Variants in ATP1A3 observed in about 807,000 individuals in gnomAD.
ATP1A3 encodes the protein ATPase Na+/K+ transporting subunit alpha 3.
ATP1A3 carries 12 observed loss-of-function variants against 108.8 expected under a neutral mutation model. The observed-to-expected ratio is 0.11, with a 90% CI of 0.07 to 0.18. ATP1A3 has a LOEUF of 0.18. ATP1A3 is among the 10% of genes least tolerant of loss of function. ATP1A3 has a pLI of 1.00. For missense variants in ATP1A3, 498 were observed against 1,387.7 expected (o/e 0.36, Z 10.19); for synonymous variants, 539 against 564.5 (o/e 0.95, Z 0.64).
At chr19:41,977,015 C>T (rs2075178434) in intron 14 of ATP1A3, among the ~76,000 whole-genome samples, 1 of 151,444 alleles carries the variant, frequency 6.6e-6, no homozygotes, top group Non-Finnish European at 1.5e-5. Flanking sequence ...GCCATGTTGG[C>T]CAGGCTGCTC....
chr19:41,976,485 G>A lies in ATP1A3; in HGVS notation c.2025C>T (p.His675=), dbSNP rs1394039204. 7.4e-6 allele frequency: 12 copies of A among 1,614,096 alleles called. 1 individual carries two copies. Among genetic ancestry groups the A allele is most frequent in the Middle Eastern group, 3.3e-4 (2 of 6,084 alleles). ...SEQIDEILQN[H]TEIVFARTSP... ...ATGTGCGGGCGAAGACGATCTCGGTGTGATTCTGCAGGATCTCGTCGATTT... is the reference window on the plus strand; with the variant it reads ...ATGTGCGGGCGAAGACGATCTCGGTATGATTCTGCAGGATCTCGTCGATTT... Residue 675 remains histidine (H), a synonymous_variant, in exon 15 of 23, where the codon CAC becomes CAT. Transcript: ENST00000648268.
In ATP1A3 at chr19:41,976,568, T is replaced by C; in HGVS notation, c.1944-2A>G. Reference sequence around the variant, plus strand: ...TGGATCACGCAGGCCTTGGCATCCCTGGGAAGAGCAGAGAGAGCGATGGCT... The same window carrying C: ...TGGATCACGCAGGCCTTGGCATCCCCGGGAAGAGCAGAGAGAGCGATGGCT... On this transcript the variant is annotated splice_acceptor_variant, in intron 14 of 22. Coordinates refer to ENST00000648268, the MANE Select transcript of ATP1A3 (RefSeq NM_152296.5). LOFTEE classifies it high-confidence loss of function. 1 of 1,613,784 alleles carries C rather than the reference T, an allele frequency of 6.2e-7. No homozygotes were observed. The highest frequency in any genetic ancestry group is 8.5e-7 in the Non-Finnish European group (1 of 1,179,902).
In ATP1A3 at chr19:41,968,893, A is replaced by G; in HGVS notation, c.2711T>C (p.Val904Ala). The change falls in exon 20 of 23, where the codon GTG (valine) becomes GCG (alanine). Residue 904 changes from valine (V) to alanine (A), a missense_variant. Coordinates refer to ENST00000648268, the MANE Select transcript of ATP1A3 (RefSeq NM_152296.5). The surrounding 1 kb of genome is among the most constrained non-coding windows in gnomAD (Gnocchi z 5.0). Reference protein sequence around the residue: ...QQWTYEQRKVVEFTCHTAFFV... With the variant: ...QQWTYEQRKVAEFTCHTAFFV... ...GAAGGCCGTGTGGCAGGTGAACTCC[A>G]CCACCTTCCTCTGCTCGTATGTCTG... The G allele has an allele frequency of 3.1e-6, 5 of 1,613,960 alleles. No homozygotes were observed. The highest frequency in any genetic ancestry group is 4.2e-6 in the Non-Finnish European group (5 of 1,179,896).
intron 16 of ATP1A3, among the ~76,000 whole-genome samples, chr19:41,970,854 A>T (rs151197026): frequency 6.6e-6 from 1 of 150,932 alleles, no homozygotes; most frequent in Non-Finnish European, 1.5e-5. Flanking sequence ...GCATGGTCTC[A>T]ATCTCCTGAC....
intron 1 of ATP1A3, chr19:41,993,176 T>TTCCCC: frequency 9.1e-6 from 3 of 329,966 alleles, no homozygotes; most frequent in Admixed American, 4.0e-5. Context: ...CTCTCCTGAT[T>TTCCCC]CCCCCTCCCT....
Position 41,981,323 on chromosome 19 carries a change from C to T in ATP1A3, c.1437+179G>A, listed in dbSNP as rs1555863218. 6.6e-6 allele frequency among the ~76,000 whole-genome samples: 1 copy of T among 151,940 alleles called. No individual in the cohort carries two copies. The highest frequency in any genetic ancestry group is 2.4e-5 in the African/African-American group (1 of 41,362). ...CTGCAGGAAGATCTTTACTCCTCAG[C>T]GTCTCACTCCAACAGAGATCCGGCT... is the stretch of plus-strand genomic sequence containing the variant. On this transcript the variant is annotated intron_variant, in intron 11 of 22. Transcript: ENST00000648268. This position sits in a 1 kb window ranked among gnomAD's most constrained non-coding sequence, Gnocchi z 5.0.
At position 41,969,491 on chromosome 19, in the gene ATP1A3, G is replaced by A; in HGVS notation, c.2632C>T (p.Leu878=). Residue 878 remains leucine, a synonymous_variant, in exon 19 of 23, where the codon CTG becomes TTG. Transcript: ENST00000648268. Reference sequence around the variant, plus strand: ...TTGACGGTGCGGTCATCCCAGTTCAGCCGGATGCCCACCAGGTTGCCGGGC... The same window carrying A: ...TTGACGGTGCGGTCATCCCAGTTCAACCGGATGCCCACCAGGTTGCCGGGC... ...FLPGNLVGIR[L]NWDDRTVNDL... is the part of the protein sequence containing the mutation. 6.2e-7 allele frequency: 1 copy of A among 1,614,206 alleles called. No homozygotes were observed. The highest frequency in any genetic ancestry group is 1.3e-5 in the African/African-American group (1 of 75,060).
chr19:41,967,650 C>T lies in ATP1A3; in HGVS notation c.2921+12G>A, dbSNP rs782422563. On this transcript the variant is annotated intron_variant, in intron 21 of 22. Coordinates refer to ENST00000648268, the MANE Select transcript of ATP1A3 (RefSeq NM_152296.5). This position sits in a 1 kb window ranked among gnomAD's most constrained non-coding sequence, Gnocchi z 4.2. ...CTGGTGTGGGCAGGGCTGGGGGCAG[C>T]GGGGCACTCACTTGAGAGGGTACAT... 22 of 1,612,608 alleles carry T rather than the reference C, an allele frequency of 1.4e-5. No homozygotes were observed. Among genetic ancestry groups the T allele is most frequent in the South Asian group, 4.4e-5 (4 of 90,978 alleles).
Position 41,985,565 on chromosome 19 carries a change from G to A in ATP1A3, c.607-142C>T, listed in dbSNP as rs1455191072. 9.9e-6 allele frequency: 9 copies of A among 909,732 alleles called. No homozygotes were observed. Among genetic ancestry groups the A allele is most frequent in the African/African-American group, 9.8e-5 (6 of 61,382 alleles). 56.4% of individuals were successfully genotyped at this position (909,732 alleles called of 1,614,324 possible). A position where few individuals can be genotyped will look rare whatever the true frequency, so the allele number is the denominator to read the frequency against. ...GTGCCCAGTGGGTGAGTGGTGTGTG[G>A]GAGGCCAGAGGCTGGGATCTTGAAG... is the stretch of plus-strand genomic sequence containing the variant. On this transcript the variant is annotated intron_variant, in intron 6 of 22. Coordinates refer to ENST00000648268, the MANE Select transcript of ATP1A3 (RefSeq NM_152296.5). This position sits in a 1 kb window ranked among gnomAD's most constrained non-coding sequence, Gnocchi z 8.2.
chr19:41,971,536 C>T (rs1274383523), intron 16 of ATP1A3, among the ~76,000 whole-genome samples: 4 of 152,140 alleles, frequency 2.6e-5, no homozygotes, highest in Non-Finnish European at 5.9e-5. Flanking sequence ...GAATAAACCA[C>T]GGTACATCCA....
Position 41,981,467 on chromosome 19 carries a change from G to A in ATP1A3, c.1437+35C>T. The A allele has an allele frequency of 6.2e-7, 1 of 1,614,120 alleles. No individual in the cohort carries two copies. The highest frequency in any genetic ancestry group is 8.5e-7 in the Non-Finnish European group (1 of 1,180,004). ...TTTACAGGCGTCATAAGGAACCTGA[G>A]GTCCAGGCTGGCTCTCCCGGAAAGC... On this transcript the variant is annotated intron_variant, in intron 11 of 22. Transcript: ENST00000648268. The surrounding 1 kb of genome is among the most constrained non-coding windows in gnomAD (Gnocchi z 5.0).
intron 4 of ATP1A3, among the ~76,000 whole-genome samples, chr19:41,987,434 A>G (rs1555865826): frequency 6.6e-6 from 1 of 151,884 alleles, no homozygotes; most frequent in Non-Finnish European, 1.5e-5. Flanking sequence ...CTGGTGTGGC[A>G]TCTGCGTTGA....
chr19:41,968,271 T>C lies in ATP1A3; in HGVS notation c.2820-508A>G, dbSNP rs1254850977. 2.0e-5 allele frequency among the ~76,000 whole-genome samples: 3 copies of C among 152,128 alleles called. No individual in the cohort carries two copies. Among genetic ancestry groups the C allele is most frequent in the African/African-American group, 7.2e-5 (3 of 41,418 alleles). ...GCTCACACCTGTAATCCTAGCACTC[T>C]GGGAGGCTGAGGCAGGAAGATTGCC... On this transcript the variant is annotated intron_variant, in intron 20 of 22. Transcript: ENST00000648268. This position sits in a 1 kb window ranked among gnomAD's most constrained non-coding sequence, Gnocchi z 5.0.
At position 41,981,314 on chromosome 19, in the gene ATP1A3, A is replaced by C. The variant is rs2075229121; in HGVS notation, c.1437+188T>G. 6.6e-6 allele frequency among the ~76,000 whole-genome samples: 1 copy of C among 151,224 alleles called. No individual in the cohort carries two copies. Among genetic ancestry groups the C allele is most frequent in the South Asian group, 2.1e-4 (1 of 4,768 alleles). On this transcript the variant is annotated intron_variant, in intron 11 of 22. Transcript: ENST00000648268. The surrounding 1 kb of genome is among the most constrained non-coding windows in gnomAD (Gnocchi z 5.0). ...GCGCCTGGCCTGCAGGAAGATCTTTACTCCTCAGCGTCTCACTCCAACAGA... is the reference window on the plus strand; with the variant it reads ...GCGCCTGGCCTGCAGGAAGATCTTTCCTCCTCAGCGTCTCACTCCAACAGA...
intron 1 of ATP1A3, among the ~76,000 whole-genome samples, chr19:41,989,155 GTC>G (rs2075313147): frequency 6.6e-6 from 1 of 151,264 alleles, no homozygotes; most frequent in Non-Finnish European, 1.5e-5. Context: ...GCCCAGGCTG[GTC>G]TCTAACTCCT....
chr19:41,972,408 T>TGA (rs2075119380), intron 16 of ATP1A3, among the ~76,000 whole-genome samples: 1 of 150,222 alleles, frequency 6.7e-6, no homozygotes, highest in African/African-American at 2.5e-5. Context: ...GGCAACAGAG[T>TGA]GAGACCTTGT....
chr19:41,974,973 G>A (rs2075150227), intron 16 of ATP1A3, among the ~76,000 whole-genome samples: 1 of 152,222 alleles, frequency 6.6e-6, no homozygotes, highest in Non-Finnish European at 1.5e-5. Context: ...TCCACTCTGG[G>A]AAGCTCCCTT....
rs2075280869 is a variant in ATP1A3, at chr19:41,985,747, G to A, written c.606+117C>T. On this transcript the variant is annotated intron_variant, in intron 6 of 22. Coordinates refer to ENST00000648268, the MANE Select transcript of ATP1A3 (RefSeq NM_152296.5). The surrounding 1 kb of genome is among the most constrained non-coding windows in gnomAD (Gnocchi z 8.2). ...GGAGGGCCTGGGGGCCTGGACTCCT[G>A]GGTCTGAGGGAGGAGGGGTTGGGAC... 6.8e-7 allele frequency: 1 copy of A among 1,481,468 alleles called. No individual in the cohort carries two copies. The highest frequency in any genetic ancestry group is 2.3e-5 in the East Asian group (1 of 43,352). 91.8% of individuals were successfully genotyped at this position (1,481,468 alleles called of 1,614,324 possible).
intron 11 of ATP1A3, among the ~76,000 whole-genome samples, chr19:41,979,335 G>A (rs1555862589): frequency 6.7e-6 from 1 of 148,978 alleles, no homozygotes; most frequent in African/African-American, 2.5e-5. Context: ...TTTTTTTTAA[G>A]ACAGGGTCTC....
Sources: allele counts gnomAD v4.1 joint callset (sites outside exome capture counted in the v4.1 genomes callset), GRCh38; gene constraint gnomAD v4.1.1; non-coding constraint Gnocchi (gnomAD v3.1); transcripts MANE v1.5; gene names NCBI Gene and HGNC (gene_info 2026-07-23, HGNC 2026-07-21).